CPEB3: variants seen among roughly 807,000 people sequenced by gnomAD.
The protein encoded by CPEB3 is cytoplasmic polyadenylation element binding protein 3.
A neutral mutation model predicts 67.2 loss-of-function variants in CPEB3; 20 were observed. The ratio of observed to expected loss-of-function variants is 0.30; its 90% confidence interval spans 0.21 to 0.43. The LOEUF is 0.43. CPEB3 is among the 20% of genes least tolerant of loss of function. The pLI is 1.00. For missense variants in CPEB3, 746 were observed against 968.6 expected (o/e 0.77, Z 3.05); for synonymous variants, 376 against 393.1 (o/e 0.96, Z 0.51).
intron 2 of CPEB3, among the ~76,000 whole-genome samples, chr10:92,212,253 C>T (rs1850132810): frequency 6.7e-6 from 1 of 149,512 alleles, no homozygotes; most frequent in South Asian, 2.1e-4. Context: ...CTCTTGTTGC[C>T]CAGGCAACAA....
At chr10:92,252,980 G>A (rs1278606953) in intron 1 of CPEB3, among the ~76,000 whole-genome samples, 1 of 151,920 alleles carries the variant, frequency 6.6e-6, no homozygotes, top group South Asian at 2.1e-4. Context: ...CTGGAGTGAA[G>A]TGGTGTGATG....
intron 8 of CPEB3, among the ~76,000 whole-genome samples, chr10:92,089,396 G>A (rs996192111): frequency 6.6e-6 from 1 of 151,958 alleles, no homozygotes; most frequent in Non-Finnish European, 1.5e-5. Flanking sequence ...TGGCATGGGA[G>A]GAACCCTATC....
intron 4 of CPEB3, among the ~76,000 whole-genome samples, chr10:92,170,780 T>G (rs1276903665): frequency 6.6e-6 from 1 of 152,194 alleles, no homozygotes; most frequent in Non-Finnish European, 1.5e-5. Context: ...TATTTTATAC[T>G]GATCAATCTG....
intron 1 of CPEB3, among the ~76,000 whole-genome samples, chr10:92,285,890 T>C (rs773533194): frequency 2.6e-5 from 4 of 152,182 alleles, no homozygotes; most frequent in Non-Finnish European, 4.4e-5. Context: ...CCTCAAATGC[T>C]ATCATGTTAT....
intron 1 of CPEB3, among the ~76,000 whole-genome samples, chr10:92,277,201 A>C (rs1343221777): frequency 6.6e-6 from 1 of 152,186 alleles, no homozygotes; most frequent in Non-Finnish European, 1.5e-5. Context: ...TATTAATCTA[A>C]GAAAACACAG....
intron 9 of CPEB3, among the ~76,000 whole-genome samples, chr10:92,079,190 T>C (rs1843046904): frequency 6.6e-6 from 1 of 152,152 alleles, no homozygotes; most frequent in Admixed American, 6.5e-5. Flanking sequence ...GACTCGCAAA[T>C]GTACAGGCAC....
chr10:92,258,602 C>A (rs1852626075), intron 1 of CPEB3, among the ~76,000 whole-genome samples: 1 of 121,590 alleles, frequency 8.2e-6, no homozygotes, highest in Non-Finnish European at 1.6e-5. Context: ...TGTTCAGTTT[C>A]CAGACTTCAA....
At chr10:92,121,583 A>T (rs958206755) in intron 6 of CPEB3, among the ~76,000 whole-genome samples, 2 of 151,242 alleles carry the variant, frequency 1.3e-5, no homozygotes, top group African/African-American at 4.9e-5. Flanking sequence ...CTAAAAAGAG[A>T]TGTGTATTTT....
chr10:92,169,959 A>G (rs1847928391), intron 4 of CPEB3, among the ~76,000 whole-genome samples: 1 of 152,204 alleles, frequency 6.6e-6, no homozygotes, highest in African/African-American at 2.4e-5. Flanking sequence ...ATTTGGCCCC[A>G]ACCATCTTTC....
At chr10:92,248,599 C>A (rs749786216) in intron 1 of CPEB3, among the ~76,000 whole-genome samples, 15 of 152,138 alleles carry the variant, frequency 9.9e-5, no homozygotes, top group Non-Finnish European at 1.9e-4. Context: ...CAGCCAGGTT[C>A]AAGTTAAGTA....
chr10:92,145,574 G>A (rs1225656887), intron 4 of CPEB3, among the ~76,000 whole-genome samples: 4 of 151,288 alleles, frequency 2.6e-5, no homozygotes, highest in Non-Finnish European at 4.4e-5. Flanking sequence ...GGTGGAGGAT[G>A]CAGTGAGCCA....
intron 7 of CPEB3, among the ~76,000 whole-genome samples, chr10:92,099,876 T>G (rs563196779): frequency 1.3e-5 from 2 of 151,402 alleles, no homozygotes; most frequent in South Asian, 4.2e-4. Context: ...AAAGAAGCAT[T>G]TCTGGCCAGG....
chr10:92,094,401 G>C (rs1843759653), intron 7 of CPEB3, among the ~76,000 whole-genome samples: 2 of 151,944 alleles, frequency 1.3e-5, no homozygotes, highest in African/African-American at 4.8e-5. Flanking sequence ...AGGAGATCGA[G>C]ACCATCCTGG....
chr10:92,199,138 T>C (rs1389557544), intron 2 of CPEB3, among the ~76,000 whole-genome samples: 1 of 152,100 alleles, frequency 6.6e-6, no homozygotes, highest in Non-Finnish European at 1.5e-5. Context: ...ACGCCTGTAA[T>C]CCCAGCACTT....
chr10:92,271,553 T>C (rs1175673331), intron 1 of CPEB3, among the ~76,000 whole-genome samples: 2 of 152,214 alleles, frequency 1.3e-5, no homozygotes, highest in East Asian at 3.8e-4. Context: ...AATTTTGGTT[T>C]ACCTGATGTT....
intron 6 of CPEB3, among the ~76,000 whole-genome samples, chr10:92,142,116 T>C (rs1423743155): frequency 1.3e-5 from 2 of 149,292 alleles, no homozygotes; most frequent in African/African-American, 2.5e-5. Context: ...AGAGTGAGAA[T>C]TGGAGAAGTA....
intron 1 of CPEB3, among the ~76,000 whole-genome samples, chr10:92,273,748 G>C (rs1011664364): frequency 1.3e-5 from 2 of 152,116 alleles, no homozygotes; most frequent in Non-Finnish European, 2.9e-5. Context: ...GTAAGGAAAG[G>C]CCTCTGTTTC....
At chr10:92,199,990 T>C (rs571679126) in intron 2 of CPEB3, among the ~76,000 whole-genome samples, 37 of 152,202 alleles carry the variant, frequency 2.4e-4, no homozygotes, top group Middle Eastern at 3.4e-3. Flanking sequence ...ATGGTATATT[T>C]TACCCATCCC....
chr10:92,061,046 G>T (rs925321504), intron 9 of CPEB3, among the ~76,000 whole-genome samples: 1 of 152,232 alleles, frequency 6.6e-6, no homozygotes, highest in South Asian at 2.1e-4. Context: ...TCAGTCTATC[G>T]AAGAGATATC....
Sources: allele counts gnomAD v4.1 joint callset (sites outside exome capture counted in the v4.1 genomes callset), GRCh38; gene constraint gnomAD v4.1.1; transcripts MANE v1.5; gene names NCBI Gene and HGNC (gene_info 2026-07-23, HGNC 2026-07-21).